ZFP57: variants seen among roughly 807,000 people sequenced by gnomAD.
ZFP57 encodes ZFP57 zinc finger protein.
Under a neutral mutation model 15.8 loss-of-function variants are expected in ZFP57, and 12 were observed. The ratio of observed to expected loss-of-function variants is 0.76; its 90% CI spans 0.49 to 1.23. The LOEUF (loss-of-function observed/expected upper bound fraction) is 1.23, where lower values mean the gene tolerates loss of function less well. ZFP57 is among the 50% of genes most tolerant of loss of function. The pLI is 0.00. For missense variants in ZFP57, 536 were observed against 654.9 expected (o/e 0.82, Z 1.98); for synonymous variants, 203 against 242.3 (o/e 0.84, Z 1.51).
At chr6:29,677,768 T>TACACACACACACAC (rs9278235) in intron 1 of ZFP57, among the ~76,000 whole-genome samples, 19 of 149,512 alleles carry the variant, frequency 1.3e-4, no homozygotes, top group African/African-American at 2.2e-4. Context: ...ACCAAAATTA[T>TACACACACACACAC]ACACACACAC....
Position 29,673,322 on chromosome 6 carries a change from C to T in ZFP57, c.789G>A (p.Val263=). ...ACTGGTCCCGGAAGCTCTTCCCACA[C>T]ACAGAGCATGAATGGGGCCGGTAAC... ...HLGYRPHSCS[V]CGKSFRDQSE... The change falls in exon 5 of 5, where the codon GTG becomes GTA. Residue 263 remains valine, a synonymous_variant. Transcript: ENST00000376883. The surrounding 1 kb of genome is among the most constrained non-coding windows in gnomAD (Gnocchi z 4.7). 1.2e-6 allele frequency: 2 copies of T among 1,613,066 alleles called. No homozygotes were observed. Among genetic ancestry groups the T allele is most frequent in the Non-Finnish European group, 1.7e-6 (2 of 1,180,036 alleles).
At chr6:29,676,529 C>A (rs1772080130) in intron 2 of ZFP57, among the ~76,000 whole-genome samples, 1 of 116,074 alleles carries the variant, frequency 8.6e-6, no homozygotes, top group Non-Finnish European at 1.7e-5. Flanking sequence ...GAGCGAGACT[C>A]CGTCTCAAAA....
At position 29,673,263 on chromosome 6, in the gene ZFP57, T is replaced by G; in HGVS notation, c.848A>C (p.Asn283Thr). The change falls in exon 5 of 5, where the codon AAC becomes ACC. Residue 283 changes from asparagine (N) to threonine (T), a missense_variant. Asn to Thr is a moderately conservative substitution (Grantham distance 65, BLOSUM62 0). Transcript: ENST00000376883. The surrounding 1 kb of genome is among the most constrained non-coding windows in gnomAD (Gnocchi z 4.7). ...ELKRHQKIHQ[N>T]QEPVDGNQEC... The stretch of plus-strand genomic sequence containing the variant: ...CTGGTTTCCATCCACTGGCTCCTGG[T>G]TTTGGTGTATCTTCTGGTGGCGTTT... The G allele has an allele frequency of 6.2e-7, 1 of 1,612,946 alleles. No homozygotes were observed. Among genetic ancestry groups the G allele is most frequent in the South Asian group, 1.1e-5 (1 of 91,074 alleles).
Position 29,673,636 on chromosome 6 carries a change from T to A in ZFP57, c.475A>T (p.Thr159Ser), listed in dbSNP as rs201703858. ...GQCPLSAPAG[T>S]MDRTRVLQAS... The stretch of plus-strand genomic sequence containing the variant: ...TGAAGCACCCGGGTCCTGTCCATAG[T>A]CCCAGCTGGGGCAGATAGGGGGCAC... The change falls in exon 5 of 5, where the codon ACT becomes TCT. Residue 159 changes from threonine to serine, a missense_variant. Transcript: ENST00000376883. This position sits in a 1 kb window ranked among gnomAD's most constrained non-coding sequence, Gnocchi z 4.7. 1.3e-3 allele frequency: 2,175 copies of A among 1,612,842 alleles called. 13 individuals carry two copies. Among genetic ancestry groups the A allele is most frequent in the Middle Eastern group, 0.012 (71 of 6,058 alleles).
chr6:29,677,306 T>C lies in ZFP57; in HGVS notation c.-303A>G. On this transcript the variant is annotated 5_prime_UTR_variant, in exon 2 of 5. Coordinates refer to ENST00000376883, the MANE Select transcript of ZFP57 (RefSeq NM_001109809.5). The stretch of plus-strand genomic sequence containing the variant: ...CCCTTGGCTCACCAGCTGCCATTGT[T>C]TAGTAACAACACCAGCCTGGGCTAG... The C allele has an allele frequency of 2.1e-6, 1 of 472,668 alleles. No homozygotes were observed. Among genetic ancestry groups the C allele is most frequent in the Non-Finnish European group, 3.9e-6 (1 of 256,596 alleles). 29.3% of individuals were successfully genotyped at this position (472,668 alleles called of 1,614,324 possible).
chr6:29,673,488 C>T lies in ZFP57; in HGVS notation c.623G>A (p.Cys208Tyr), dbSNP rs1323921002. 1 of 1,613,112 alleles carries T rather than the reference C, an allele frequency of 6.2e-7. No individual in the cohort carries two copies. Among genetic ancestry groups the T allele is most frequent in the Admixed American group, 1.7e-5 (1 of 60,026 alleles). Residue 208 changes from cysteine (C) to tyrosine (Y), a missense_variant, in exon 5 of 5, where the codon TGT (cysteine) becomes TAT (tyrosine). Coordinates refer to ENST00000376883, the MANE Select transcript of ZFP57 (RefSeq NM_001109809.5). The surrounding 1 kb of genome is among the most constrained non-coding windows in gnomAD (Gnocchi z 4.7). ...CTTGGGGCTCCGAAACAACTTCCCA[C>T]ACTGACTGCAGCTGTTAGTCAGCTT... is the stretch of plus-strand genomic sequence containing the variant. ...NPKLTNSCSQ[C>Y]GKLFRSPKSL...
chr6:29,675,663 A>G (rs908791047), intron 3 of ZFP57, among the ~76,000 whole-genome samples, 176 bp from the exon 4 acceptor site: 1 of 152,186 alleles, frequency 6.6e-6, no homozygotes, highest in African/African-American at 2.4e-5. Flanking sequence ...GGTTCTCAGG[A>G]GTGACTTAGT....
chr6:29,676,860 T>C, intron 2 of ZFP57, 21 bp downstream of exon 2: 1 of 1,613,826 alleles, frequency 6.2e-7, no homozygotes, highest in Non-Finnish European at 8.5e-7. Flanking sequence ...ACCCCACCTC[T>C]CTCTAGCTTA....
At chr6:29,676,601 T>G (rs1583180607) in intron 2 of ZFP57, among the ~76,000 whole-genome samples, 1 of 136,384 alleles carries the variant, frequency 7.3e-6, no homozygotes, top group African/African-American at 2.8e-5. Flanking sequence ...AAAGATAAGA[T>G]GTGGGGGAGA....
Position 29,674,818 on chromosome 6 carries a change from A to G in ZFP57, c.352+568T>C, listed in dbSNP as rs1396517959. The stretch of plus-strand genomic sequence containing the variant: ...TAAGCAACTTTCATGTCATCTCTCA[A>G]TCTCTAGAAACTGAAGACATCTACT... On this transcript the variant is annotated intron_variant, in intron 4 of 4. Transcript: ENST00000376883. Among the ~76,000 whole-genome samples the G allele has an allele frequency of 2.6e-5, 4 of 152,274 alleles. No individual in the cohort carries two copies. In the South Asian group the frequency reaches 8.3e-4, roughly 32 times the overall value.
Position 29,677,168 on chromosome 6 carries a change from G to T in ZFP57, c.-165C>A. ...GTGGCTTCCTGTGACAAATGTATCT[G>T]CTCCAAGAGGCTGTCTTCCTTTTTT... On this transcript the variant is annotated 5_prime_UTR_variant, in exon 2 of 5. Coordinates refer to ENST00000376883, the MANE Select transcript of ZFP57 (RefSeq NM_001109809.5). 1 of 831,426 alleles carries T rather than the reference G, an allele frequency of 1.2e-6. No homozygotes were observed. Among genetic ancestry groups the T allele is most frequent in the Non-Finnish European group, 1.9e-6 (1 of 518,134 alleles). 51.5% of individuals were successfully genotyped at this position (831,426 alleles called of 1,614,324 possible). A position where few individuals can be genotyped will look rare whatever the true frequency, so the allele number is the denominator to read the frequency against.
rs1488922640 is a variant in ZFP57 at position 29,673,369 on chromosome 6, G to A, written c.742C>T (p.Arg248Cys). 6.2e-6 allele frequency: 10 copies of A among 1,612,928 alleles called. No individual in the cohort carries two copies. Among genetic ancestry groups the A allele is most frequent in the Middle Eastern group, 1.6e-4 (1 of 6,084 alleles). The change falls in exon 5 of 5, where the codon CGT (arginine) becomes TGT (cysteine). Residue 248 changes from arginine (R) to cysteine (C), a missense_variant. By Grantham distance (180) the Arg-to-Cys change is radical. Transcript: ENST00000376883. This position sits in a 1 kb window ranked among gnomAD's most constrained non-coding sequence, Gnocchi z 4.7. ...KTYCDASGLS[R>C]HRRVHLGYRP... ...TAACCCAGATGGACGCGGCGGTGAC[G>A]ACTTAGTCCAGAAGCATCACAGTAG...
At chr6:29,678,319 T>C (rs1772175433) in intron 1 of ZFP57, among the ~76,000 whole-genome samples, 1 of 152,262 alleles carries the variant, frequency 6.6e-6, no homozygotes, top group African/African-American at 2.4e-5. Context: ...AATCATCCCT[T>C]TGACTAGCAT....
intron 2 of ZFP57, 23 bp downstream of exon 2, chr6:29,676,858 T>A: frequency 6.2e-7 from 1 of 1,613,716 alleles, no homozygotes; most frequent in South Asian, 1.1e-5. Context: ...GGACCCCACC[T>A]CTCTCTAGCT....
chr6:29,675,672 G>A (rs1262115335), intron 3 of ZFP57, among the ~76,000 whole-genome samples, 185 bp from the exon 4 acceptor site: 1 of 152,186 alleles, frequency 6.6e-6, no homozygotes, highest in African/African-American at 2.4e-5. Context: ...GAGTGACTTA[G>A]TAAATATTTG....
At chr6:29,675,575 C>A (rs1341562132) in intron 3 of ZFP57, 88 bp from the exon 4 acceptor site, 2 of 1,105,130 alleles carry the variant, frequency 1.8e-6, no homozygotes, top group Non-Finnish European at 2.8e-6. Context: ...CTCCTGTAGC[C>A]TTTGTTTAAG....
intron 1 of ZFP57, among the ~76,000 whole-genome samples, chr6:29,678,835 C>T (rs763175882): frequency 2.8e-4 from 42 of 152,168 alleles, no homozygotes; most frequent in Non-Finnish European, 5.3e-4. Flanking sequence ...GAATTTGAGA[C>T]CAGCCTGGCC....
rs747717587 is a variant in ZFP57, at chr6:29,673,500, C to T, written c.611G>A (p.Ser204Asn). 1 of 1,613,112 alleles carries T rather than the reference C, an allele frequency of 6.2e-7. No individual in the cohort carries two copies. The highest frequency in any genetic ancestry group is 1.7e-5 in the Admixed American group (1 of 60,026). The stretch of plus-strand genomic sequence containing the variant: ...AAACAACTTCCCACACTGACTGCAG[C>T]TGTTAGTCAGCTTGGGATTGTGAAC... ...QFVHNPKLTN[S>N]CSQCGKLFRS... The change falls in exon 5 of 5, where the codon AGC becomes AAC. Residue 204 changes from serine (S) to asparagine (N), a missense_variant. Coordinates refer to ENST00000376883, the MANE Select transcript of ZFP57 (RefSeq NM_001109809.5). The surrounding 1 kb of genome is among the most constrained non-coding windows in gnomAD (Gnocchi z 4.7).
At chr6:29,675,694 G>C (rs1772033145) in intron 3 of ZFP57, among the ~76,000 whole-genome samples, 1 of 152,162 alleles carries the variant, frequency 6.6e-6, no homozygotes, top group Non-Finnish European at 1.5e-5. Flanking sequence ...TTGATGAATG[G>C]AAAAATTTGC....
Sources: gnomAD v4.1 joint callset for allele counts (sites outside exome capture counted in the v4.1 genomes callset) on GRCh38, gnomAD v4.1.1 for gene constraint, Gnocchi (gnomAD v3.1) non-coding constraint, MANE v1.5 for transcripts, NCBI Gene and HGNC (gene_info 2026-07-23, HGNC 2026-07-21) for gene names.